TBC1D9: variants seen among roughly 807,000 people sequenced by gnomAD.
The protein encoded by TBC1D9 is TBC1 domain family member 9A.
In TBC1D9, 63 loss-of-function variants were observed where a neutral mutation model predicts 132.0. The observed-to-expected ratio is 0.48, with a 90% confidence interval of 0.39 to 0.59. The LOEUF (loss-of-function observed/expected upper bound fraction) is 0.59, where lower values mean the gene tolerates loss of function less well. Among genes scored for constraint, TBC1D9 ranks in the 20% least tolerant of loss-of-function variants. TBC1D9 has a pLI of 0.00. For missense variants in TBC1D9, 1,261 were observed against 1,592.7 expected, an observed-to-expected ratio of 0.79 and a Z score of 3.54; for synonymous variants, 610 against 609.9, an observed-to-expected ratio of 1.00 and a Z score of 0.00.
chr4:140,642,196 G>A (rs1387180729), intron 13 of TBC1D9: 5 of 752,050 alleles, frequency 6.6e-6, no homozygotes, highest in Non-Finnish European at 9.7e-6. Context: ...CTAGCCGGAG[G>A]GGCCTTGGGC....
chr4:140,674,991 G>A (rs976129591), intron 6 of TBC1D9, among the ~76,000 whole-genome samples: 3 of 152,188 alleles, frequency 2.0e-5, no homozygotes, highest in Middle Eastern at 3.4e-3. Context: ...TTACAGGTGT[G>A]AGCCATCACA....
intron 13 of TBC1D9, chr4:140,642,132 G>T: frequency 1.3e-6 from 1 of 758,566 alleles, no homozygotes; most frequent in Non-Finnish European, 2.4e-6. Context: ...GCCGCCAGCT[G>T]CCTTGCTGTC....
At chr4:140,655,774 G>A (rs186234605) in intron 13 of TBC1D9, among the ~76,000 whole-genome samples, 4 of 152,190 alleles carry the variant, frequency 2.6e-5, no homozygotes. Flanking sequence ...TCCAAGCCAA[G>A]CAATTTTAGA....
chr4:140,748,999 T>C (rs946571417), intron 1 of TBC1D9, among the ~76,000 whole-genome samples: 4 of 152,116 alleles, frequency 2.6e-5, no homozygotes, highest in Admixed American at 6.5e-5. Context: ...GTATGTAAAT[T>C]GGGGGTGGGG....
At position 140,705,821 on chromosome 4, in the gene TBC1D9, T is replaced by C. The variant is rs1171024922; in HGVS notation, c.131-4207A>G. On this transcript the variant is annotated intron_variant, in intron 1 of 20. Transcript: ENST00000442267. ...ACACAAAGCGCTGTTTTAGCAGCTG[T>C]TCTAGTCAGCTATTTCTGGTGTTAA... is the stretch of plus-strand genomic sequence containing the variant. 3.9e-5 allele frequency among the ~76,000 whole-genome samples: 6 copies of C among 152,202 alleles called. No individual in the cohort carries two copies. The East Asian group carries it at 1.2e-3, about 29-fold the overall frequency.
intron 10 of TBC1D9, among the ~76,000 whole-genome samples, chr4:140,661,150 G>A (rs9993180): frequency 0.024 from 3,659 of 152,234 alleles, 147 homozygotes; most frequent in African/African-American, 0.083. Context: ...TCCTGACCTC[G>A]TGATCCTCCG....
intron 6 of TBC1D9, among the ~76,000 whole-genome samples, chr4:140,674,255 G>A (rs1718052154): frequency 6.6e-6 from 1 of 152,108 alleles, no homozygotes; most frequent in African/African-American, 2.4e-5. Flanking sequence ...CATTATTCCT[G>A]TCAGAATTTA....
chr4:140,634,824 C>A (rs1166961080), intron 15 of TBC1D9, among the ~76,000 whole-genome samples: 11 of 152,190 alleles, frequency 7.2e-5, no homozygotes, highest in Non-Finnish European at 1.6e-4. Context: ...TTTCACACAT[C>A]TGTGAATAGC....
chr4:140,634,221 CT>C, intron 15 of TBC1D9, 33 bp from the exon 16 acceptor site: 1 of 1,599,600 alleles, frequency 6.3e-7, no homozygotes, highest in Non-Finnish European at 8.5e-7. Context: ...TGGGGACCCT[CT>C]TTTGCAGCAA....
chr4:140,747,323 G>A (rs946267972), intron 1 of TBC1D9, among the ~76,000 whole-genome samples: 17 of 151,364 alleles, frequency 1.1e-4, no homozygotes, highest in African/African-American at 3.6e-4. Context: ...CTGCACTCCC[G>A]CCTGGATGAC....
chr4:140,688,700 A>AACC (rs1179440854), intron 2 of TBC1D9, among the ~76,000 whole-genome samples: 78 of 152,204 alleles, frequency 5.1e-4, no homozygotes, highest in Admixed American at 4.7e-3. Flanking sequence ...CAACAACAAC[A>AACC]ACCTTTACCC....
chr4:140,672,127 T>A (rs1737547578), intron 6 of TBC1D9, among the ~76,000 whole-genome samples: 1 of 151,896 alleles, frequency 6.6e-6, no homozygotes, highest in Admixed American at 6.6e-5. Flanking sequence ...AGGGAAAAAG[T>A]GTAGCATCTG....
intron 9 of TBC1D9, 41 bp from the exon 10 acceptor site, chr4:140,662,148 G>A (rs1737371683): frequency 2.0e-6 from 3 of 1,534,868 alleles, no homozygotes; most frequent in Middle Eastern, 1.7e-4. Flanking sequence ...AAACGTGAGA[G>A]CTCTGCCTTT....
chr4:140,709,691 T>C (rs1226058954), intron 1 of TBC1D9, among the ~76,000 whole-genome samples: 2 of 152,176 alleles, frequency 1.3e-5, no homozygotes. Flanking sequence ...ACTGGTTTCA[T>C]GGAAGACAAT....
rs770379695 is a variant in TBC1D9 at position 140,634,145 on chromosome 4, G to A, written c.2549C>T (p.Ala850Val). 30 of 1,613,834 alleles carry A rather than the reference G, an allele frequency of 1.9e-5. No homozygotes were observed. The highest frequency in any genetic ancestry group is 2.2e-5 in the Non-Finnish European group (26 of 1,179,906). ...TSCYWGGSSNALDRHDPSLPY... is the reference protein window; with the variant it reads ...TSCYWGGSSNVLDRHDPSLPY... Reference sequence around the variant, plus strand: ...CAGGCTGGGGTCATGCCGGTCCAGCGCGTTGCTGCTCCCGCCCCAGTAGCA... The same window carrying A: ...CAGGCTGGGGTCATGCCGGTCCAGCACGTTGCTGCTCCCGCCCCAGTAGCA... Residue 850 changes from alanine to valine, a missense_variant, in exon 16 of 21, where the codon GCG (alanine) becomes GTG (valine). Ala to Val is a moderately conservative substitution (Grantham distance 64). This residue lies in a region of TBC1D9 where 618 missense variants were observed against 724.4 expected (regional missense o/e 0.85). Coordinates refer to ENST00000442267, the MANE Select transcript of TBC1D9 (RefSeq NM_015130.3).
At chr4:140,654,693 T>C (rs1206834556) in intron 13 of TBC1D9, among the ~76,000 whole-genome samples, 2 of 152,148 alleles carry the variant, frequency 1.3e-5, no homozygotes, top group African/African-American at 4.8e-5. Context: ...CATATGGAAA[T>C]AGTTTTGGAG....
At chr4:140,709,056 G>A (rs759469518) in intron 1 of TBC1D9, among the ~76,000 whole-genome samples, 6 of 151,904 alleles carry the variant, frequency 3.9e-5, no homozygotes, top group Non-Finnish European at 8.8e-5. Context: ...GATAAAAATG[G>A]TTCTCAACAA....
At chr4:140,735,145 A>C (rs1026052773) in intron 1 of TBC1D9, among the ~76,000 whole-genome samples, 15 of 152,222 alleles carry the variant, frequency 9.9e-5, no homozygotes, top group African/African-American at 3.6e-4. Context: ...ATTCTCTTTG[A>C]CATTTATATT....
chr4:140,755,841 G>A, intron 1 of TBC1D9, 75 bp downstream of exon 1: 1 of 1,280,614 alleles, frequency 7.8e-7, no homozygotes, highest in East Asian at 3.4e-5. Context: ...CGTCTCCCGA[G>A]CCTGCAGCCC....
Sources: allele counts gnomAD v4.1 joint callset (sites outside exome capture counted in the v4.1 genomes callset), GRCh38; gene constraint gnomAD v4.1.1; regional missense constraint gnomAD v4.1.1; transcripts MANE v1.5; gene names NCBI Gene and HGNC (gene_info 2026-07-23, HGNC 2026-07-21).